WBP2NL: variants seen among roughly 807,000 people sequenced by gnomAD.
The protein encoded by WBP2NL is postacrosomal sheath WW domain-binding protein.
A neutral mutation model predicts 23.3 loss-of-function variants in WBP2NL; 27 were observed. The observed-to-expected ratio is 1.16, with a 90% CI of 0.85 to 1.60. WBP2NL has a LOEUF of 1.60. WBP2NL is among the 40% of genes most tolerant of loss of function. The pLI is 0.00. For missense variants in WBP2NL, 370 were observed against 389.5 expected (o/e 0.95, Z 0.42); for synonymous variants, 151 against 145.9 (o/e 1.03, Z -0.25).
intron 8 of WBP2NL, among the ~76,000 whole-genome samples, chr22:42,057,302 A>G (rs1295349820): frequency 6.6e-6 from 1 of 152,164 alleles, no homozygotes; most frequent in East Asian, 1.9e-4. Flanking sequence ...TGTCAAATCT[A>G]CTATTATTAA....
intron 1 of WBP2NL, among the ~76,000 whole-genome samples, chr22:41,999,667 C>T (rs1038281915): frequency 6.6e-5 from 10 of 152,012 alleles, no homozygotes; most frequent in African/African-American, 1.7e-4. Flanking sequence ...GCTTGGGAGG[C>T]GATGGTAAGA....
At position 42,011,766 on chromosome 22, in the gene WBP2NL, T is replaced by G. The variant is rs545812628; in HGVS notation, c.63-7545T>G. ...TTTTTTTTTTGGTTGTTGTTGTTGT[T>G]GTTTTTCTTGTTGTTGTTGTTTTGG... On this transcript the variant is annotated intron_variant, in intron 1 of 5. Coordinates refer to ENST00000328823, the MANE Select transcript of WBP2NL (RefSeq NM_152613.3). 5.3e-5 allele frequency among the ~76,000 whole-genome samples: 8 copies of G among 151,992 alleles called. No homozygotes were observed. The South Asian group carries it at 1.7e-3, about 32-fold the overall frequency.
intron 1 of WBP2NL, chr22:42,001,799 G>T: frequency 8.1e-7 from 1 of 1,238,692 alleles, no homozygotes; most frequent in Admixed American, 1.9e-5. Flanking sequence ...AGACCATGCA[G>T]TCTCTAATGC....
chr22:42,032,864 A>C, downstream of WBP2NL: 1 of 253,220 alleles, frequency 3.9e-6, no homozygotes, highest in South Asian at 4.2e-5. Context: ...AGTAGCCAAT[A>C]TAAGAAACTT....
At chr22:42,043,836 C>T (rs1476978422) in intron 8 of WBP2NL, among the ~76,000 whole-genome samples, 1 of 152,094 alleles carries the variant, frequency 6.6e-6, no homozygotes, top group Non-Finnish European at 1.5e-5. Flanking sequence ...AAGCGATTCT[C>T]CTGCCTCAGT....
intron 1 of WBP2NL, chr22:42,001,880 G>C (rs1007485682): frequency 7.4e-6 from 11 of 1,488,604 alleles, no homozygotes; most frequent in Admixed American, 4.6e-5. Flanking sequence ...TGACCCGCTC[G>C]ATGGGTGCTA....
intron 8 of WBP2NL, among the ~76,000 whole-genome samples, chr22:42,045,750 G>A (rs1925563348): frequency 6.6e-6 from 1 of 152,230 alleles, no homozygotes; most frequent in African/African-American, 2.4e-5. Context: ...CCAGGCTCAG[G>A]TGAGTTCACT....
chr22:42,020,165 TTGTTGTTGC>T, intron 4 of WBP2NL, 69 bp downstream of exon 4: 1 of 1,423,404 alleles, frequency 7.0e-7, no homozygotes, highest in Non-Finnish European at 9.7e-7. Context: ...TTTTTTGTTG[TTGTTGTTGC>T]TGTTGTTGTT....
chr22:42,027,361 A>G lies in WBP2NL; in HGVS notation c.*180A>G, dbSNP rs1602468292. The G allele has an allele frequency of 1.4e-6, 1 of 726,206 alleles. No homozygotes were observed. Among genetic ancestry groups the G allele is most frequent in the East Asian group, 2.8e-5 (1 of 35,620 alleles). 45.0% of individuals were successfully genotyped at this position (726,206 alleles called of 1,614,324 possible). A position where few individuals can be genotyped will look rare whatever the true frequency, so the allele number is the denominator to read the frequency against. Reference sequence around the variant, plus strand: ...CTTTACTTCTGTGCCTAGATTTTAGAAGCAGAATCAACTCTTAAATAGCTG... The same window carrying G: ...CTTTACTTCTGTGCCTAGATTTTAGGAGCAGAATCAACTCTTAAATAGCTG... On this transcript the variant is annotated 3_prime_UTR_variant, in exon 6 of 6. Transcript: ENST00000328823.
Position 42,027,858 on chromosome 22 carries a change from A to G in WBP2NL, c.*677A>G, listed in dbSNP as rs911275763. On this transcript the variant is annotated 3_prime_UTR_variant, in exon 6 of 6. Transcript: ENST00000328823. Reference sequence around the variant, plus strand: ...AGAATACGTGAATAACTACAAATCAATTCTCCCCAAAATGACAGAAATATG... The same window carrying G: ...AGAATACGTGAATAACTACAAATCAGTTCTCCCCAAAATGACAGAAATATG... 3.3e-5 allele frequency: 13 copies of G among 397,964 alleles called. No individual in the cohort carries two copies. The highest frequency in any genetic ancestry group is 7.1e-5 in the East Asian group (2 of 28,018). The allele number at this position is 397,964 out of a possible 1,614,324, so 24.7% of individuals were successfully genotyped here.
intron 1 of WBP2NL, chr22:42,001,682 T>C: frequency 1.6e-6 from 2 of 1,214,874 alleles, no homozygotes; most frequent in Non-Finnish European, 2.4e-6. Context: ...GAAGATCTGC[T>C]TGTATTTATC....
chr22:42,035,766 T>C (rs572674169), downstream of WBP2NL, among the ~76,000 whole-genome samples: 1 of 152,350 alleles, frequency 6.6e-6, no homozygotes, highest in Non-Finnish European at 1.5e-5. Flanking sequence ...ACATATCTAT[T>C]ACCTGTATAT....
At chr22:42,006,679 A>G (rs1270552386) in intron 1 of WBP2NL, among the ~76,000 whole-genome samples, 2 of 152,226 alleles carry the variant, frequency 1.3e-5, no homozygotes, top group Non-Finnish European at 2.9e-5. Context: ...ATAGCTTACT[A>G]AAGTGTCTTG....
chr22:42,044,142 C>G (rs1925497134), intron 8 of WBP2NL, among the ~76,000 whole-genome samples: 1 of 152,208 alleles, frequency 6.6e-6, no homozygotes, highest in African/African-American at 2.4e-5. Flanking sequence ...GCCTTGCTCT[C>G]CTGTTTCACC....
At chr22:42,017,220 A>G (rs1410384049) in intron 1 of WBP2NL, among the ~76,000 whole-genome samples, 2 of 152,058 alleles carry the variant, frequency 1.3e-5, no homozygotes, top group South Asian at 2.1e-4. Context: ...GGCTCAAGCA[A>G]TCTTCCCACC....
intron 1 of WBP2NL, among the ~76,000 whole-genome samples, chr22:41,999,157 C>T (rs571744825): frequency 1.2e-3 from 61 of 49,414 alleles, no homozygotes; most frequent in Non-Finnish European, 2.4e-3. Context: ...CTCCTCAGGG[C>T]GGGGCGGGGA....
chr22:42,020,530 AGGAGCTTGCAATCTAGTG>A (rs1328956899), intron 4 of WBP2NL, among the ~76,000 whole-genome samples: 3 of 152,128 alleles, frequency 2.0e-5, no homozygotes, highest in African/African-American at 4.8e-5. Flanking sequence ...CCTATCCTGA[AGGAGCTTGCAATCTAGTG>A]GGAGCTTACA....
chr22:42,057,673 A>C (rs1926093293), intron 8 of WBP2NL, among the ~76,000 whole-genome samples: 1 of 151,298 alleles, frequency 6.6e-6, no homozygotes, highest in Admixed American at 6.6e-5. Context: ...TGAAGGGAGC[A>C]AACTTTCAGT....
At chr22:42,049,252 G>T (rs1925721541) in intron 8 of WBP2NL, among the ~76,000 whole-genome samples, 1 of 152,064 alleles carries the variant, frequency 6.6e-6, no homozygotes, top group Admixed American at 6.6e-5. Flanking sequence ...AATGGAGAAA[G>T]GATAGTCTTC....
Sources: gnomAD v4.1 joint callset for allele counts (sites outside exome capture counted in the v4.1 genomes callset) on GRCh38, gnomAD v4.1.1 for gene constraint, MANE v1.5 for transcripts, NCBI Gene and HGNC (gene_info 2026-07-23, HGNC 2026-07-21) for gene names.